PDE3A: variants seen among roughly 807,000 people sequenced by gnomAD.
PDE3A encodes the protein phosphodiesterase 3A.
Under a neutral mutation model 98.3 loss-of-function variants are expected in PDE3A, and 43 were observed. The ratio of observed to expected loss-of-function variants is 0.44; its 90% confidence interval spans 0.34 to 0.56. PDE3A has a LOEUF of 0.56. Among genes scored for constraint, PDE3A ranks in the 20% least tolerant of loss-of-function variants. The probability of loss-of-function intolerance (pLI) is 0.01; values close to 1 mark genes in which losing one functional copy is unlikely to be tolerated. For synonymous variants in PDE3A, 663 were observed against 567.9 expected (o/e 1.17, Z -2.38); for missense variants, 1,427 against 1,440.7 (o/e 0.99, Z 0.15).
intron 1 of PDE3A, among the ~76,000 whole-genome samples, chr12:20,469,137 T>G (rs1734165594): frequency 1.3e-5 from 2 of 152,200 alleles, no homozygotes; most frequent in South Asian, 4.1e-4. Flanking sequence ...TGATTACCAT[T>G]ATTATTTTAT....
At position 20,633,900 on chromosome 12, in the gene PDE3A, A is replaced by G. The variant is rs545930067; in HGVS notation, c.1846+122A>G. 9 of 590,434 alleles carry G rather than the reference A, an allele frequency of 1.5e-5. No homozygotes were observed. In the East Asian group the frequency reaches 2.7e-4, roughly 18 times the overall value. 36.6% of individuals were successfully genotyped at this position (590,434 alleles called of 1,614,324 possible). A position where few individuals can be genotyped will look rare whatever the true frequency, so the allele number is the denominator to read the frequency against. The stretch of plus-strand genomic sequence containing the variant: ...GGGCGCTGGGAGACGGGGTCTCATG[A>G]TGTTGGTCAGGTCGGTCTCAAACTC... On this transcript the variant is annotated intron_variant, in intron 7 of 15. Coordinates refer to ENST00000359062, the MANE Select transcript of PDE3A (RefSeq NM_000921.5).
chr12:20,406,889 C>T (rs1272770174), intron 1 of PDE3A, among the ~76,000 whole-genome samples: 2 of 152,122 alleles, frequency 1.3e-5, no homozygotes, highest in Non-Finnish European at 2.9e-5. Context: ...GTTAAGATAA[C>T]AGTCAATATT....
intron 1 of PDE3A, among the ~76,000 whole-genome samples, chr12:20,457,664 A>C (rs1365238734): frequency 6.6e-6 from 1 of 151,672 alleles, no homozygotes; most frequent in Non-Finnish European, 1.5e-5. Context: ...TCTGTATTCA[A>C]AGTAAGGGTT....
chr12:20,505,709 A>G (rs1946105114), intron 1 of PDE3A, among the ~76,000 whole-genome samples: 1 of 152,106 alleles, frequency 6.6e-6, no homozygotes, highest in South Asian at 2.1e-4. Context: ...TATTCTTTCC[A>G]TAGTTCTGTT....
rs769768405 is a variant in PDE3A at position 20,621,411 on chromosome 12, G to A, written c.1540G>A (p.Gly514Ser). 6.5e-7 allele frequency: 1 copy of A among 1,532,354 alleles called. No individual in the cohort carries two copies. The highest frequency in any genetic ancestry group is 1.1e-5 in the South Asian group (1 of 89,458). 94.9% of individuals were successfully genotyped at this position (1,532,354 alleles called of 1,614,324 possible). Residue 514 changes from glycine (G) to serine (S), a missense_variant and splice_region_variant, in exon 5 of 16, where the codon GGT becomes AGT. Transcript: ENST00000359062. ...HVKAKKQSRP[G>S]ALAKISPLSS... ...AAAGGCTAAAAAGCAAAGTCGACCA[G>A]GTAAGTAACTTAACTGGAGAAGGGT...
intron 1 of PDE3A, among the ~76,000 whole-genome samples, chr12:20,385,490 G>A (rs1224258510): frequency 3.3e-5 from 5 of 151,816 alleles, no homozygotes; most frequent in East Asian, 2.0e-4. Flanking sequence ...ACATGCACAC[G>A]TATGTTTATT....
Position 20,680,409 on chromosome 12 carries a change from TTG to T in PDE3A, c.*144_*145del. ...ATTGCATTTTGGGATTCTTCGCATT[TTG>T]TGTGTATATTTTTACAGTGAGGTAC... is the stretch of plus-strand genomic sequence containing the variant. On this transcript the variant is annotated 3_prime_UTR_variant, in exon 16 of 16. Transcript: ENST00000359062. 1 of 909,422 alleles carries T rather than the reference TTG, an allele frequency of 1.1e-6. No homozygotes were observed. Among genetic ancestry groups the T allele is most frequent in the East Asian group, 2.5e-5 (1 of 39,322 alleles). 56.3% of individuals were successfully genotyped at this position (909,422 alleles called of 1,614,324 possible). A position where few individuals can be genotyped will look rare whatever the true frequency, so the allele number is the denominator to read the frequency against.
chr12:20,549,861 G>A (rs1373615521), intron 1 of PDE3A, among the ~76,000 whole-genome samples: 1 of 151,030 alleles, frequency 6.6e-6, no homozygotes, highest in Non-Finnish European at 1.5e-5. Flanking sequence ...ACTGTTTTAT[G>A]CTTTAAAAGA....
At chr12:20,475,071 C>A (rs1020588308) in intron 1 of PDE3A, among the ~76,000 whole-genome samples, 1 of 151,594 alleles carries the variant, frequency 6.6e-6, no homozygotes, top group Admixed American at 6.6e-5. Flanking sequence ...CACTGTTGAT[C>A]AAAAATGAGT....
At chr12:20,506,409 C>T (rs1288052392) in intron 1 of PDE3A, among the ~76,000 whole-genome samples, 2 of 152,086 alleles carry the variant, frequency 1.3e-5, no homozygotes, top group East Asian at 3.9e-4. Context: ...CTGTCCCCCA[C>T]AAACAGAGAA....
At chr12:20,533,702 G>T (rs1301652035) in intron 1 of PDE3A, among the ~76,000 whole-genome samples, 1 of 151,176 alleles carries the variant, frequency 6.6e-6, no homozygotes, top group Non-Finnish European at 1.5e-5. Flanking sequence ...GGATGGTCTC[G>T]ATCTCCTGAC....
intron 1 of PDE3A, among the ~76,000 whole-genome samples, chr12:20,398,815 T>G (rs1191701815): frequency 6.6e-6 from 1 of 152,182 alleles, no homozygotes; most frequent in Admixed American, 6.5e-5. Context: ...TAAAATGTGG[T>G]AACATATACA....
At chr12:20,549,504 C>G (rs952649854) in intron 1 of PDE3A, among the ~76,000 whole-genome samples, 3 of 151,494 alleles carry the variant, frequency 2.0e-5, no homozygotes, top group Non-Finnish European at 4.4e-5. Flanking sequence ...TTGTATTCTT[C>G]AAATCCAAAA....
intron 1 of PDE3A, among the ~76,000 whole-genome samples, chr12:20,380,186 T>C (rs1943639328): frequency 6.6e-6 from 1 of 151,926 alleles, no homozygotes; most frequent in Non-Finnish European, 1.5e-5. Flanking sequence ...AAAAGTCTAA[T>C]GTAAAGCAAA....
At chr12:20,596,305 G>A (rs150444193) in intron 2 of PDE3A, among the ~76,000 whole-genome samples, 1 of 152,214 alleles carries the variant, frequency 6.6e-6, no homozygotes, top group African/African-American at 2.4e-5. Context: ...TGCTAAATGT[G>A]GAGTGGGGTA....
At chr12:20,537,097 C>T (rs949122286) in intron 1 of PDE3A, among the ~76,000 whole-genome samples, 5 of 152,020 alleles carry the variant, frequency 3.3e-5, no homozygotes, top group African/African-American at 1.2e-4. Flanking sequence ...TATAGCCATA[C>T]TGATGGGTAT....
chr12:20,506,413 CAG>C (rs1357148108), intron 1 of PDE3A, among the ~76,000 whole-genome samples: 2 of 151,990 alleles, frequency 1.3e-5, no homozygotes, highest in Non-Finnish European at 2.9e-5. Context: ...CCCCCACAAA[CAG>C]AGAATAGAGG....
At chr12:20,372,308 T>A (rs1254722126) in intron 1 of PDE3A, among the ~76,000 whole-genome samples, 2 of 152,190 alleles carry the variant, frequency 1.3e-5, no homozygotes, top group African/African-American at 4.8e-5. Context: ...ACTGTGTTAA[T>A]GAAGATTATT....
At chr12:20,526,439 T>A (rs1025341844) in intron 1 of PDE3A, among the ~76,000 whole-genome samples, 1 of 152,202 alleles carries the variant, frequency 6.6e-6, no homozygotes, top group Non-Finnish European at 1.5e-5. Context: ...TTGAAAATCA[T>A]TTTTTAAATC....
Sources: allele counts gnomAD v4.1 joint callset (sites outside exome capture counted in the v4.1 genomes callset), GRCh38; gene constraint gnomAD v4.1.1; transcripts MANE v1.5; gene names NCBI Gene and HGNC (gene_info 2026-07-23, HGNC 2026-07-21).